ZSWIM5: variants seen among roughly 807,000 people sequenced by gnomAD.
ZSWIM5 encodes the protein zinc finger SWIM-type containing 5.
ZSWIM5 carries 55 observed loss-of-function variants against 119.6 expected under a neutral mutation model. The observed-to-expected ratio is 0.46, with a 90% CI of 0.37 to 0.58. The LOEUF (loss-of-function observed/expected upper bound fraction) is 0.58, where lower values mean the gene tolerates loss of function less well. Among genes scored for constraint, ZSWIM5 ranks in the 20% least tolerant of loss-of-function variants. The pLI, the probability that ZSWIM5 is intolerant of heterozygous loss-of-function variation, is 0.00. For synonymous variants in ZSWIM5, 537 were observed against 606.9 expected (o/e 0.88, Z 1.69); for missense variants, 1,193 against 1,512.8 (o/e 0.79, Z 3.51).
At chr1:45,040,248 C>T (rs1016713419) in intron 7 of ZSWIM5, 144 bp downstream of exon 7, 13 of 890,786 alleles carry the variant, frequency 1.5e-5, no homozygotes, top group Admixed American at 2.9e-5. Flanking sequence ...GATGAGAAAA[C>T]TGACATTCAT....
intron 12 of ZSWIM5, 73 bp from the exon 13 acceptor site, chr1:45,020,220 T>A: frequency 1.6e-6 from 2 of 1,231,308 alleles, no homozygotes; most frequent in African/African-American, 1.5e-5. Flanking sequence ...TGCATTCATT[T>A]ATGCGACAAA....
chr1:45,033,974 C>T (rs1331750642), intron 11 of ZSWIM5, among the ~76,000 whole-genome samples: 2 of 151,986 alleles, frequency 1.3e-5, no homozygotes, highest in African/African-American at 4.8e-5. Context: ...CCTGCCTCAG[C>T]CTCCCGAGTA....
intron 1 of ZSWIM5, among the ~76,000 whole-genome samples, chr1:45,172,234 T>C (rs952213267): frequency 6.6e-6 from 1 of 152,066 alleles, no homozygotes; most frequent in African/African-American, 2.4e-5. Flanking sequence ...CTATACTTTG[T>C]TTTGACCGTA....
chr1:45,018,243 C>G lies in ZSWIM5; in HGVS notation c.*211G>C, dbSNP rs1644866588. 3 of 628,516 alleles carry G rather than the reference C, an allele frequency of 4.8e-6. No individual in the cohort carries two copies. The highest frequency in any genetic ancestry group is 8.1e-6 in the Non-Finnish European group (3 of 368,880). The allele number at this position is 628,516 out of a possible 1,614,324, so 38.9% of individuals were successfully genotyped here. ...TCTGGTCGATCTGCAGGGCCCAGCTCCTCCATGAACAGTAGGCTGTAGTCA... is the reference window on the plus strand; with the variant it reads ...TCTGGTCGATCTGCAGGGCCCAGCTGCTCCATGAACAGTAGGCTGTAGTCA... On this transcript the variant is annotated 3_prime_UTR_variant, in exon 14 of 14. Coordinates refer to ENST00000359600, the MANE Select transcript of ZSWIM5 (RefSeq NM_020883.2). The surrounding 1 kb of genome is among the most constrained non-coding windows in gnomAD (Gnocchi z 6.7).
chr1:45,132,974 T>C (rs1192895050), intron 1 of ZSWIM5, among the ~76,000 whole-genome samples: 3 of 152,210 alleles, frequency 2.0e-5, no homozygotes, highest in African/African-American at 4.8e-5. Flanking sequence ...TAGTATTCCA[T>C]GGTGTATATG....
intron 1 of ZSWIM5, among the ~76,000 whole-genome samples, chr1:45,112,112 C>T (rs1478965335): frequency 6.6e-6 from 1 of 152,196 alleles, no homozygotes. Flanking sequence ...ACTATCTTCA[C>T]AAACAAGACA....
chr1:45,172,982 A>T (rs1266514691), intron 1 of ZSWIM5, among the ~76,000 whole-genome samples: 1 of 151,946 alleles, frequency 6.6e-6, no homozygotes, highest in East Asian at 1.9e-4. Flanking sequence ...TGGGAAACAC[A>T]GTGAGACCCA....
intron 1 of ZSWIM5, among the ~76,000 whole-genome samples, chr1:45,140,811 A>T (rs1406227706): frequency 6.6e-6 from 1 of 152,256 alleles, no homozygotes; most frequent in Non-Finnish European, 1.5e-5. Context: ...TGTATGCAGT[A>T]GTATTTGAAG....
At chr1:45,110,682 C>T (rs554520788) in intron 1 of ZSWIM5, among the ~76,000 whole-genome samples, 15 of 151,914 alleles carry the variant, frequency 9.9e-5, no homozygotes, top group Non-Finnish European at 2.1e-4. Context: ...CATGCAAAAT[C>T]GACAAGAAAA....
intron 1 of ZSWIM5, among the ~76,000 whole-genome samples, chr1:45,203,220 C>G (rs576009874): frequency 1.3e-5 from 2 of 152,078 alleles, no homozygotes; most frequent in East Asian, 3.9e-4. Context: ...CAATTTTTAA[C>G]CAGAATTCAT....
chr1:45,170,586 G>T (rs1321047092), intron 1 of ZSWIM5, among the ~76,000 whole-genome samples: 1 of 151,494 alleles, frequency 6.6e-6, no homozygotes, highest in East Asian at 1.9e-4. Flanking sequence ...CACCATGCCT[G>T]GCTAATTTTT....
At chr1:45,099,716 C>T (rs1250628242) in intron 1 of ZSWIM5, among the ~76,000 whole-genome samples, 2 of 152,196 alleles carry the variant, frequency 1.3e-5, no homozygotes, top group Non-Finnish European at 2.9e-5. Context: ...AAGTCGGCTT[C>T]ATCCCTGGGA....
chr1:45,170,600 C>T (rs1280059206), intron 1 of ZSWIM5, among the ~76,000 whole-genome samples: 2 of 149,066 alleles, frequency 1.3e-5, no homozygotes, highest in African/African-American at 4.9e-5. Flanking sequence ...AATTTTTTTA[C>T]TTTCCTTTTG....
At chr1:45,136,608 A>G (rs1405171547) in intron 1 of ZSWIM5, among the ~76,000 whole-genome samples, 2 of 151,862 alleles carry the variant, frequency 1.3e-5, no homozygotes, top group South Asian at 4.2e-4. Context: ...GTTATTTTTT[A>G]CTGAGTTTCA....
intron 1 of ZSWIM5, among the ~76,000 whole-genome samples, chr1:45,090,847 G>T (rs1294320430): frequency 6.7e-6 from 1 of 148,410 alleles, no homozygotes; most frequent in Admixed American, 6.7e-5. Context: ...AAAAAAAAAA[G>T]AACTAAAGAA....
At chr1:45,031,748 G>A (rs1009372042) in intron 11 of ZSWIM5, among the ~76,000 whole-genome samples, 3 of 150,770 alleles carry the variant, frequency 2.0e-5, no homozygotes, top group Non-Finnish European at 4.4e-5. Flanking sequence ...GCGGAGGCAG[G>A]AGAATGGCAT....
In ZSWIM5 at chr1:45,189,442, A is replaced by G. The variant is rs115688523; in HGVS notation, c.595+16314T>C. Reference sequence around the variant, plus strand: ...AACCATTAATAAAGCATATTCAACAATACTATATTTGATCTTTAAAACCTA... The same window carrying G: ...AACCATTAATAAAGCATATTCAACAGTACTATATTTGATCTTTAAAACCTA... On this transcript the variant is annotated intron_variant, in intron 1 of 13. Transcript: ENST00000359600. 2.5e-3 allele frequency among the ~76,000 whole-genome samples: 383 copies of G among 152,218 alleles called. 2 individuals are homozygous for G. The highest frequency in any genetic ancestry group is 8.8e-3 in the African/African-American group (365 of 41,504).
intron 5 of ZSWIM5, among the ~76,000 whole-genome samples, chr1:45,046,940 C>T (rs1645058857): frequency 6.7e-6 from 1 of 149,840 alleles, no homozygotes; most frequent in Admixed American, 6.7e-5. Flanking sequence ...AGGAGAATCG[C>T]TTGAACCTGG....
At chr1:45,136,259 C>T (rs1645688662) in intron 1 of ZSWIM5, among the ~76,000 whole-genome samples, 1 of 152,090 alleles carries the variant, frequency 6.6e-6, no homozygotes, top group African/African-American at 2.4e-5. Flanking sequence ...TCCTTTCAGC[C>T]AGCTACATTA....
Sources: gnomAD v4.1 joint callset for allele counts (sites outside exome capture counted in the v4.1 genomes callset) on GRCh38, gnomAD v4.1.1 for gene constraint, Gnocchi (gnomAD v3.1) non-coding constraint, MANE v1.5 for transcripts, NCBI Gene and HGNC (gene_info 2026-07-23, HGNC 2026-07-21) for gene names.